Variants in DCP1A observed in about 807,000 individuals in gnomAD.
The protein encoded by DCP1A is mRNA-decapping enzyme 1A.
DCP1A carries 20 observed loss-of-function variants against 58.0 expected under a neutral mutation model. The ratio of observed to expected loss-of-function variants is 0.34; its 90% CI spans 0.24 to 0.50. The LOEUF (loss-of-function observed/expected upper bound fraction) is 0.50, where lower values mean the gene tolerates loss of function less well. Among genes scored for constraint, DCP1A ranks in the 20% least tolerant of loss-of-function variants. The pLI is 0.98. For synonymous variants in DCP1A, 285 were observed against 275.1 expected, an observed-to-expected ratio of 1.04 and a Z score of -0.36; for missense variants, 613 against 712.2, an observed-to-expected ratio of 0.86 and a Z score of 1.59.
At chr3:53,331,799 C>G (rs2089009936) in intron 3 of DCP1A, among the ~76,000 whole-genome samples, 3 of 152,138 alleles carry the variant, frequency 2.0e-5, no homozygotes. Context: ...AAAAGATTCC[C>G]CATTACTACT....
At chr3:53,301,997 AG>A (rs1707326184) in intron 6 of DCP1A, among the ~76,000 whole-genome samples, 1 of 152,196 alleles carries the variant, frequency 6.6e-6, no homozygotes, top group South Asian at 2.1e-4. Flanking sequence ...AGGGTATGAC[AG>A]GGAAGTCAGT....
Position 53,292,202 on chromosome 3 carries a change from ATTG to A in DCP1A, c.1247_1249del (p.Ala416_Met417delinsVal). ...AGCTGCCGGAGAAAAGCTGGCTACC[ATTG>A]CACCTTTCCCAAGTGGTTGTGTCTG... On this transcript the variant is annotated inframe_deletion, in exon 7 of 10. Coordinates refer to ENST00000610213, the MANE Select transcript of DCP1A (RefSeq NM_018403.7). 1 of 1,613,894 alleles carries A rather than the reference ATTG, an allele frequency of 6.2e-7. No individual in the cohort carries two copies. Among genetic ancestry groups the A allele is most frequent in the Non-Finnish European group, 8.5e-7 (1 of 1,179,880 alleles).
At position 53,306,411 on chromosome 3, in the gene DCP1A, A is replaced by G. The variant is rs554035845; in HGVS notation, c.511-2121T>C. On this transcript the variant is annotated intron_variant, in intron 5 of 9. Transcript: ENST00000610213. ...ATTGTTCATAACAAGTTCTTAAAAC[A>G]GAAGGTATAAATGTTCAGAAACATT... 2.0e-5 allele frequency among the ~76,000 whole-genome samples: 3 copies of G among 152,318 alleles called. No individual in the cohort carries two copies. In the South Asian group the frequency reaches 6.2e-4, roughly 32 times the overall value.
At position 53,284,376 on chromosome 3, in the gene DCP1A, A is replaced by G. The variant is rs566114739; in HGVS notation, c.*3204T>C. 1 of 152,266 alleles carries G rather than the reference A, an allele frequency of 6.6e-6. No individual in the cohort carries two copies. Among genetic ancestry groups the G allele is most frequent in the South Asian group, 2.1e-4 (1 of 4,830 alleles). 9.4% of individuals were successfully genotyped at this position (152,266 alleles called of 1,614,324 possible). The stretch of plus-strand genomic sequence containing the variant: ...AGTAATAAAGCTGCATGGTTTAAAA[A>G]TTTACCTAGTAGTGGATTTGATAGG... On this transcript the variant is annotated 3_prime_UTR_variant, in exon 10 of 10. Coordinates refer to ENST00000610213, the MANE Select transcript of DCP1A (RefSeq NM_018403.7).
chr3:53,290,491 C>T, intron 8 of DCP1A: 3 of 548,400 alleles, frequency 5.5e-6, no homozygotes, highest in Admixed American at 3.2e-5. Context: ...ATGGACTCTG[C>T]CAGGACGGGG....
chr3:53,310,388 T>A (rs73843116), intron 5 of DCP1A, among the ~76,000 whole-genome samples: 2,492 of 152,360 alleles, frequency 0.016, 70 homozygotes, highest in African/African-American at 0.057. Flanking sequence ...TTGTGGCTAC[T>A]TAACCTCTCA....
Position 53,286,912 on chromosome 3 carries a change from G to C in DCP1A, c.*668C>G, listed in dbSNP as rs1359061813. 6.6e-6 allele frequency: 1 copy of C among 152,270 alleles called. No homozygotes were observed. The highest frequency in any genetic ancestry group is 1.5e-5 in the Non-Finnish European group (1 of 68,064). 9.4% of individuals were successfully genotyped at this position (152,270 alleles called of 1,614,324 possible). On this transcript the variant is annotated 3_prime_UTR_variant, in exon 10 of 10. Transcript: ENST00000610213. ...GTGTCCACACCACCAGAGCCTGACAGTGCCCTATTCAAATGGTAATGCTGC... is the reference window on the plus strand; with the variant it reads ...GTGTCCACACCACCAGAGCCTGACACTGCCCTATTCAAATGGTAATGCTGC...
chr3:53,304,317 T>C (rs1553687752), intron 5 of DCP1A, 27 bp from the exon 6 acceptor site: 4 of 1,549,202 alleles, frequency 2.6e-6, no homozygotes, highest in South Asian at 2.3e-5. Flanking sequence ...GAAAAAAATA[T>C]ATCTTGTGAA....
chr3:53,286,345 T>C lies in DCP1A; in HGVS notation c.*1235A>G, dbSNP rs968708077. On this transcript the variant is annotated 3_prime_UTR_variant, in exon 10 of 10. Coordinates refer to ENST00000610213, the MANE Select transcript of DCP1A (RefSeq NM_018403.7). Reference sequence around the variant, plus strand: ...AAATACTACAAAATGACCTGTATCATAGAAACGAAGACACTTTCATTCAAA... The same window carrying C: ...AAATACTACAAAATGACCTGTATCACAGAAACGAAGACACTTTCATTCAAA... The C allele has an allele frequency of 6.6e-6, 1 of 152,242 alleles. No individual in the cohort carries two copies. The highest frequency in any genetic ancestry group is 2.1e-4 in the South Asian group (1 of 4,836). 9.4% of individuals were successfully genotyped at this position (152,242 alleles called of 1,614,324 possible). A position where few individuals can be genotyped will look rare whatever the true frequency, so the allele number is the denominator to read the frequency against.
intron 3 of DCP1A, among the ~76,000 whole-genome samples, chr3:53,323,808 G>A (rs1236775046): frequency 6.8e-6 from 1 of 147,740 alleles, no homozygotes; most frequent in Non-Finnish European, 1.5e-5. Context: ...GTTGCAGTGA[G>A]CCGAGATCGC....
intron 4 of DCP1A, among the ~76,000 whole-genome samples, chr3:53,313,911 T>C (rs868974278): frequency 1.6e-4 from 25 of 152,274 alleles, no homozygotes; most frequent in Middle Eastern, 3.4e-3. Context: ...TTTATTATTA[T>C]TTTTGTAGAG....
chr3:53,323,360 GC>G (rs1708024454), intron 3 of DCP1A, among the ~76,000 whole-genome samples: 1 of 152,294 alleles, frequency 6.6e-6, no homozygotes, highest in Middle Eastern at 3.4e-3. Flanking sequence ...GCTCTTAGCG[GC>G]TAAGGCTTGC....
At chr3:53,304,118 C>A (rs1707393028) in intron 6 of DCP1A, 59 bp downstream of exon 6, 15 of 1,304,624 alleles carry the variant, frequency 1.1e-5, no homozygotes, top group Non-Finnish European at 1.6e-5. Flanking sequence ...TCATTAGAAT[C>A]CTTACTGAAT....
intron 4 of DCP1A, among the ~76,000 whole-genome samples, chr3:53,317,456 C>T (rs1489066004): frequency 3.3e-5 from 5 of 152,160 alleles, no homozygotes; most frequent in African/African-American, 7.2e-5. Context: ...TGAGCCACCG[C>T]GCCCAGCCAA....
intron 3 of DCP1A, 127 bp downstream of exon 3, chr3:53,342,017 C>T: frequency 1.2e-6 from 1 of 820,430 alleles, no homozygotes; most frequent in Non-Finnish European, 1.8e-6. Context: ...CCAACAGACT[C>T]ATTTATAATC....
Position 53,347,419 on chromosome 3 carries a change from G to C in DCP1A, c.99C>G (p.Val33=). The part of the protein sequence containing the change: ...ITSIADLTGQ[V]ALYTFCPKAN... ...CCTTGGGGCAGAAGGTGTACAGAGC[G>C]ACCTGGCCCGTGAGGTCTGCGATGC... The change falls in exon 1 of 10, where the codon GTC becomes GTG. Residue 33 remains valine (V), a synonymous_variant. Coordinates refer to ENST00000610213, the MANE Select transcript of DCP1A (RefSeq NM_018403.7). The C allele has an allele frequency of 6.2e-7, 1 of 1,613,140 alleles. No individual in the cohort carries two copies. The highest frequency in any genetic ancestry group is 8.5e-7 in the Non-Finnish European group (1 of 1,179,488).
intron 3 of DCP1A, among the ~76,000 whole-genome samples, chr3:53,322,582 C>T (rs940748223): frequency 3.3e-5 from 5 of 151,926 alleles, no homozygotes; most frequent in Non-Finnish European, 7.4e-5. Context: ...TGAACGGCTT[C>T]ATTTTAATGA....
intron 3 of DCP1A, among the ~76,000 whole-genome samples, chr3:53,323,977 A>G (rs1708043438): frequency 6.6e-6 from 1 of 152,160 alleles, no homozygotes; most frequent in Non-Finnish European, 1.5e-5. Flanking sequence ...AGGGACTTCT[A>G]AACCGAACTC....
At position 53,287,463 on chromosome 3, in the gene DCP1A, T is replaced by C. The variant is rs1305697511; in HGVS notation, c.*117A>G. On this transcript the variant is annotated 3_prime_UTR_variant, in exon 10 of 10. Transcript: ENST00000610213. The stretch of plus-strand genomic sequence containing the variant: ...AAAACATTCTTAAGAAATGAGTCTC[T>C]TTCTCATAGGCTCAATTTCAGGATT... The C allele has an allele frequency of 8.1e-6, 5 of 619,784 alleles. No individual in the cohort carries two copies. In the South Asian group the frequency reaches 8.2e-5, roughly 10 times the overall value. The allele number at this position is 619,784 out of a possible 1,614,324, so 38.4% of individuals were successfully genotyped here. A position where few individuals can be genotyped will look rare whatever the true frequency, so the allele number is the denominator to read the frequency against.
Sources: allele counts gnomAD v4.1 joint callset (sites outside exome capture counted in the v4.1 genomes callset), GRCh38; gene constraint gnomAD v4.1.1; transcripts MANE v1.5; gene names NCBI Gene and HGNC (gene_info 2026-07-23, HGNC 2026-07-21).